Variants in PRKCB observed in about 807,000 individuals in gnomAD.
PRKCB encodes the protein protein kinase C beta, also known as protein kinase C beta type.
A neutral mutation model predicts 81.5 loss-of-function variants in PRKCB; 13 were observed. That is an observed-to-expected ratio of 0.16 (90% CI 0.10 to 0.25). PRKCB has a LOEUF of 0.25. Ranked by LOEUF, PRKCB falls within the 10% of genes least tolerant of loss-of-function variation. PRKCB has a pLI of 1.00. For synonymous variants in PRKCB, 335 were observed against 321.4 expected (o/e 1.04, Z -0.45); for missense variants, 509 against 875.7 (o/e 0.58, Z 5.29).
intron 7 of PRKCB, chr16:24,111,099 G>C (rs1010198807): frequency 6.6e-6 from 1 of 152,134 alleles, no homozygotes. Flanking sequence ...CCTGCTGTGT[G>C]GATAGCACCC....
At chr16:23,938,953 G>A (rs1453418281) in intron 2 of PRKCB, among the ~76,000 whole-genome samples, 1 of 152,180 alleles carries the variant, frequency 6.6e-6, no homozygotes, top group Non-Finnish European at 1.5e-5. Flanking sequence ...GCGTATCTGT[G>A]CAGAAAATAC....
At chr16:24,171,672 G>A (rs1292007171) in intron 10 of PRKCB, among the ~76,000 whole-genome samples, 1 of 152,052 alleles carries the variant, frequency 6.6e-6, no homozygotes, top group Non-Finnish European at 1.5e-5. Flanking sequence ...TATCAGTTAA[G>A]TCACAAGATT....
intron 2 of PRKCB, among the ~76,000 whole-genome samples, chr16:23,946,214 G>A (rs1449725993): frequency 6.6e-6 from 1 of 152,186 alleles, no homozygotes; most frequent in Admixed American, 6.5e-5. Flanking sequence ...AGTTACATAA[G>A]CCACCTCTGA....
intron 9 of PRKCB, among the ~76,000 whole-genome samples, chr16:24,134,062 A>AT (rs940572612): frequency 5.9e-4 from 90 of 151,866 alleles, no homozygotes; most frequent in African/African-American, 2.1e-3. Context: ...CACCCAGCTA[A>AT]TTTTTTTATT....
intron 2 of PRKCB, among the ~76,000 whole-genome samples, chr16:23,845,219 G>A (rs953820016): frequency 1.3e-5 from 2 of 152,160 alleles, no homozygotes; most frequent in African/African-American, 4.8e-5. Flanking sequence ...TGATGTAGCG[G>A]GGGGAGATAA....
At chr16:23,901,011 C>T (rs1002043106) in intron 2 of PRKCB, among the ~76,000 whole-genome samples, 1 of 151,984 alleles carries the variant, frequency 6.6e-6, no homozygotes, top group Non-Finnish European at 1.5e-5. Flanking sequence ...CCTTCTTGAC[C>T]GCCCCCTCTC....
intron 3 of PRKCB, among the ~76,000 whole-genome samples, chr16:23,991,176 G>T (rs1006018850): frequency 6.6e-6 from 1 of 152,168 alleles, no homozygotes; most frequent in African/African-American, 2.4e-5. Flanking sequence ...GCAAACTGGG[G>T]TGGGAGTTTG....
intron 9 of PRKCB, among the ~76,000 whole-genome samples, chr16:24,144,231 A>AAG (rs1207210236): frequency 6.6e-6 from 1 of 152,162 alleles, no homozygotes; most frequent in African/African-American, 2.4e-5. Context: ...AAAGGAGGGA[A>AAG]AGAGAGAGTA....
chr16:24,153,785 T>A (rs1001264107), intron 9 of PRKCB, among the ~76,000 whole-genome samples: 37 of 152,224 alleles, frequency 2.4e-4, no homozygotes, highest in African/African-American at 8.9e-4. Context: ...GCTGTTAAAA[T>A]ATTAAATTAA....
chr16:24,139,329 AGT>A (rs1352608506), intron 9 of PRKCB, among the ~76,000 whole-genome samples: 1 of 152,224 alleles, frequency 6.6e-6, no homozygotes, highest in Non-Finnish European at 1.5e-5. Flanking sequence ...CACAGCCCAG[AGT>A]GTGAAAATAG....
intron 9 of PRKCB, among the ~76,000 whole-genome samples, chr16:24,137,038 C>T (rs1038853211): frequency 2.8e-5 from 4 of 144,246 alleles, no homozygotes; most frequent in Admixed American, 7.1e-5. Context: ...CCACCATGCC[C>T]GGCTAATTTT....
chr16:23,996,483 G>A (rs1453431589), intron 3 of PRKCB, among the ~76,000 whole-genome samples: 1 of 152,210 alleles, frequency 6.6e-6, no homozygotes, highest in Non-Finnish European at 1.5e-5. Flanking sequence ...ACCATGCCTA[G>A]GGGTTATCAG....
intron 5 of PRKCB, among the ~76,000 whole-genome samples, chr16:24,040,361 T>C (rs1036303316): frequency 3.3e-4 from 50 of 152,210 alleles, no homozygotes; most frequent in African/African-American, 1.2e-3. Flanking sequence ...CTGTTTAGAA[T>C]GTTTGCCATT....
chr16:24,023,966 T>C (rs1355151425), intron 3 of PRKCB, among the ~76,000 whole-genome samples: 2 of 152,158 alleles, frequency 1.3e-5, no homozygotes, highest in African/African-American at 2.4e-5. Flanking sequence ...GTAGGTAACA[T>C]GCCTACCTGG....
At chr16:23,879,039 G>C (rs527647059) in intron 2 of PRKCB, among the ~76,000 whole-genome samples, 15 of 152,240 alleles carry the variant, frequency 9.9e-5, no homozygotes, top group African/African-American at 3.6e-4. Flanking sequence ...TCAGTGGGGC[G>C]TGGTGGCACG....
Position 24,142,587 on chromosome 16 carries a change from T to C in PRKCB, c.1066-12097T>C, listed in dbSNP as rs144250299. ...GTTTAGAAGGTTCCGATTTAATTGG[T>C]CTAGAGTGTGGCCCAAGCATCGGCT... On this transcript the variant is annotated intron_variant, in intron 9 of 16. Coordinates refer to ENST00000643927, the MANE Select transcript of PRKCB (RefSeq NM_002738.7). Among the ~76,000 whole-genome samples the C allele has an allele frequency of 1.1e-4, 16 of 152,250 alleles. No individual in the cohort carries two copies. In the East Asian group the frequency reaches 2.3e-3, roughly 22 times the overall value.
chr16:24,200,070 T>C (rs1305752278), intron 16 of PRKCB, among the ~76,000 whole-genome samples: 1 of 152,248 alleles, frequency 6.6e-6, no homozygotes, highest in Non-Finnish European at 1.5e-5. Context: ...TAATTCGTTG[T>C]CAGGATTTTA....
rs1410065796 is a variant in PRKCB at position 24,214,717 on chromosome 16, A to G, written c.1923A>G (p.Thr641=). ...TCACCCGCCATCCACCAGTCCTAAC[A>G]CCTCCCGACCAGGAAGTCATCAGGA... ...RFFTRHPPVL[T]PPDQEVIRNI... Residue 641 remains threonine (T), a synonymous_variant, in exon 17 of 17, where the codon ACA becomes ACG. Transcript: ENST00000643927. 6.2e-7 allele frequency: 1 copy of G among 1,613,974 alleles called. No homozygotes were observed. Among genetic ancestry groups the G allele is most frequent in the Non-Finnish European group, 8.5e-7 (1 of 1,179,988 alleles).
intron 5 of PRKCB, among the ~76,000 whole-genome samples, chr16:24,047,163 C>T (rs556608189): frequency 8.9e-4 from 133 of 150,262 alleles, no homozygotes; most frequent in Middle Eastern, 3.4e-3. Flanking sequence ...ATAGTGAAAC[C>T]TCATCTCTAC....
Sources: gnomAD v4.1 joint callset for allele counts (sites outside exome capture counted in the v4.1 genomes callset) on GRCh38, gnomAD v4.1.1 for gene constraint, MANE v1.5 for transcripts, NCBI Gene and HGNC (gene_info 2026-07-23, HGNC 2026-07-21) for gene names.